Variants in METTL15 observed in about 807,000 individuals in gnomAD.
The protein encoded by METTL15 is 12S rRNA N(4)-cytidine methyltransferase METTL15.
Under a neutral mutation model 38.3 loss-of-function variants are expected in METTL15, and 34 were observed. The ratio of observed to expected loss-of-function variants is 0.89; its 90% CI spans 0.68 to 1.18. The LOEUF is 1.18. METTL15 is among the 50% of genes most tolerant of loss of function. The pLI, the probability that METTL15 is intolerant of heterozygous loss-of-function variation, is 0.00. For missense variants in METTL15, 438 were observed against 498.4 expected, an observed-to-expected ratio of 0.88 and a Z score of 1.15; for synonymous variants, 162 against 170.9, an observed-to-expected ratio of 0.95 and a Z score of 0.41.
intron 3 of METTL15, among the ~76,000 whole-genome samples, chr11:28,171,225 A>G (rs1036284869): frequency 6.6e-6 from 1 of 152,148 alleles, no homozygotes. Context: ...AGAAAGATAA[A>G]TAATGCATGG....
rs192677536 is a variant in METTL15, at chr11:28,330,629, A to T, written c.1012A>T (p.Met338Leu). The T allele has an allele frequency of 5.7e-5, 88 of 1,551,464 alleles. 1 individual carries two copies. The East Asian group carries it at 1.8e-3, about 32-fold the overall frequency. Residue 338 changes from methionine (M) to leucine (L), a missense_variant, in exon 7 of 7, where the codon ATG becomes TTG. Coordinates refer to ENST00000407364, the MANE Select transcript of METTL15 (RefSeq NM_001113528.2). The stretch of plus-strand genomic sequence containing the variant: ...CAAAAGATTTTTGCTTGGAATAAGC[A>T]TGACAGAAAGATTTAACCTAAGTGT... ...IVKRFLLGISMTERFNLSVRQ... is the reference protein window; with the variant it reads ...IVKRFLLGISLTERFNLSVRQ...
At chr11:28,238,958 G>T (rs1255886776) in intron 4 of METTL15, among the ~76,000 whole-genome samples, 2 of 151,982 alleles carry the variant, frequency 1.3e-5, no homozygotes, top group Non-Finnish European at 2.9e-5. Flanking sequence ...GATTTTATTT[G>T]GATTTTTTTT....
chr11:28,224,586 C>T (rs1853393469), intron 4 of METTL15, among the ~76,000 whole-genome samples: 1 of 151,644 alleles, frequency 6.6e-6, no homozygotes, highest in South Asian at 2.1e-4. Context: ...TAAGTGGATT[C>T]TACTTATATA....
At chr11:28,396,997 T>G (rs940988494) in intron 5 of METTL15, among the ~76,000 whole-genome samples, 3 of 152,170 alleles carry the variant, frequency 2.0e-5, no homozygotes, top group Non-Finnish European at 4.4e-5. Flanking sequence ...GGGAAAGGAT[T>G]CCCTATTTAA....
chr11:28,510,847 T>A (rs926909956), intron 6 of METTL15, among the ~76,000 whole-genome samples: 5 of 152,182 alleles, frequency 3.3e-5, no homozygotes, highest in Non-Finnish European at 7.3e-5. Flanking sequence ...TCAGAGTGCA[T>A]AATCTCAGAC....
intron 6 of METTL15, among the ~76,000 whole-genome samples, chr11:28,474,668 A>G (rs1251865576): frequency 2.6e-5 from 4 of 152,228 alleles, no homozygotes; most frequent in African/African-American, 9.6e-5. Context: ...ACACCAAAGA[A>G]GAGCGGATGG....
chr11:28,509,921 T>A (rs896496501), intron 6 of METTL15, among the ~76,000 whole-genome samples: 32 of 152,176 alleles, frequency 2.1e-4, no homozygotes, highest in African/African-American at 7.2e-4. Context: ...GGTATCATTT[T>A]TTTTTTCTAT....
chr11:28,410,164 A>G (rs547724180), intron 5 of METTL15, among the ~76,000 whole-genome samples: 2 of 152,300 alleles, frequency 1.3e-5, no homozygotes, highest in South Asian at 2.1e-4. Context: ...AGATGGATTC[A>G]CTACTGATTA....
intron 4 of METTL15, among the ~76,000 whole-genome samples, chr11:28,286,929 T>A (rs566060311): frequency 2.2e-4 from 34 of 151,468 alleles, no homozygotes; most frequent in Non-Finnish European, 4.3e-4. Flanking sequence ...ATATATGTAC[T>A]CTCCGCACTA....
At chr11:28,187,080 C>T (rs983219914) in intron 3 of METTL15, among the ~76,000 whole-genome samples, 1 of 151,074 alleles carries the variant, frequency 6.6e-6, no homozygotes, top group African/African-American at 2.4e-5. Flanking sequence ...CTGGAAACTT[C>T]TTAGAAGTAA....
At chr11:28,123,397 T>C (rs1463562590) in intron 3 of METTL15, among the ~76,000 whole-genome samples, 1 of 152,202 alleles carries the variant, frequency 6.6e-6, no homozygotes, top group East Asian at 1.9e-4. Context: ...TCCACTGCCT[T>C]CTCCTCATGT....
At chr11:28,268,728 A>T (rs1182355598) in intron 4 of METTL15, among the ~76,000 whole-genome samples, 1 of 152,218 alleles carries the variant, frequency 6.6e-6, no homozygotes, top group Non-Finnish European at 1.5e-5. Flanking sequence ...ATGAAATAAC[A>T]TAAACCATTT....
chr11:28,266,812 C>T (rs570613990), intron 4 of METTL15, among the ~76,000 whole-genome samples: 2 of 152,224 alleles, frequency 1.3e-5, no homozygotes, highest in African/African-American at 4.8e-5. Flanking sequence ...CAAAACGTGT[C>T]AGATTTATGC....
At chr11:28,494,026 G>T (rs771135487) in intron 6 of METTL15, among the ~76,000 whole-genome samples, 7 of 152,198 alleles carry the variant, frequency 4.6e-5, no homozygotes, top group Non-Finnish European at 7.3e-5. Flanking sequence ...CAGAAGACCT[G>T]GTTTCTGCCA....
chr11:28,458,340 T>A (rs1229177167), intron 6 of METTL15, among the ~76,000 whole-genome samples: 1 of 152,154 alleles, frequency 6.6e-6, no homozygotes, highest in Non-Finnish European at 1.5e-5. Context: ...TACTAGGGGG[T>A]TGTGATATAT....
intron 4 of METTL15, among the ~76,000 whole-genome samples, chr11:28,247,933 G>A (rs1206461433): frequency 2.0e-5 from 3 of 151,960 alleles, no homozygotes; most frequent in East Asian, 1.9e-4. Flanking sequence ...TCAAAATAGG[G>A]CAGCTATAAT....
chr11:28,374,877 G>C (rs1175189841), intron 5 of METTL15, among the ~76,000 whole-genome samples: 11 of 150,168 alleles, frequency 7.3e-5, no homozygotes, highest in South Asian at 2.1e-4. Flanking sequence ...TAGCATGAAG[G>C]GTTGTTGAAT....
At chr11:28,255,578 TG>T (rs1854938367) in intron 4 of METTL15, among the ~76,000 whole-genome samples, 1 of 152,246 alleles carries the variant, frequency 6.6e-6, no homozygotes. Flanking sequence ...ATATTAGCTG[TG>T]GGTCTATCAT....
intron 5 of METTL15, among the ~76,000 whole-genome samples, chr11:28,371,966 T>C (rs1411277299): frequency 6.6e-6 from 1 of 152,076 alleles, no homozygotes; most frequent in Non-Finnish European, 1.5e-5. Context: ...TTTTTCTATT[T>C]GGATGCCTTT....
Sources: allele counts gnomAD v4.1 joint callset (sites outside exome capture counted in the v4.1 genomes callset), GRCh38; gene constraint gnomAD v4.1.1; transcripts MANE v1.5; gene names NCBI Gene and HGNC (gene_info 2026-07-23, HGNC 2026-07-21).